Variants in CD28 observed in about 807,000 individuals in gnomAD.
CD28 encodes CD28 molecule.
In CD28, 8 loss-of-function variants were observed where a neutral mutation model predicts 21.4. The observed-to-expected ratio is 0.37, with a 90% CI of 0.22 to 0.68. The LOEUF (loss-of-function observed/expected upper bound fraction) is 0.68, where lower values mean the gene tolerates loss of function less well. Among genes scored for constraint, CD28 ranks in the 30% least tolerant of loss-of-function variants. CD28 has a pLI of 0.55. For missense variants in CD28, 239 were observed against 272.2 expected (o/e 0.88, Z 0.86); for synonymous variants, 106 against 104.0 (o/e 1.02, Z -0.12).
chr2:203,731,847 G>C (rs1693902787), intron 3 of CD28, among the ~76,000 whole-genome samples: 1 of 152,096 alleles, frequency 6.6e-6, no homozygotes, highest in East Asian at 1.9e-4. Context: ...TTGTCTTACA[G>C]ACCCCCTGTG....
intron 1 of CD28, among the ~76,000 whole-genome samples, chr2:203,709,584 T>C (rs1693258313): frequency 6.6e-6 from 1 of 152,172 alleles, no homozygotes; most frequent in African/African-American, 2.4e-5. Context: ...TTGCATGTTT[T>C]CTACTAGACT....
chr2:203,711,561 T>C (rs1053639103), intron 1 of CD28, among the ~76,000 whole-genome samples: 2 of 152,186 alleles, frequency 1.3e-5, no homozygotes, highest in Admixed American at 1.3e-4. Context: ...TCATCTTCAT[T>C]ATCTTGGGTA....
At chr2:203,714,971 A>G (rs2106111519) in intron 1 of CD28, among the ~76,000 whole-genome samples, 2 of 152,290 alleles carry the variant, frequency 1.3e-5, no homozygotes, top group South Asian at 4.1e-4. Context: ...CATGACATTT[A>G]CCTGGAGGTT....
rs45511791 is a variant in CD28, at chr2:203,729,688, T to G, written c.450T>G (p.Ser150=). 8.4e-5 allele frequency: 136 copies of G among 1,614,134 alleles called. 2 individuals are homozygous for G. In the East Asian group the frequency reaches 2.9e-3, roughly 34 times the overall value. The stretch of plus-strand genomic sequence containing the variant: ...CAAGTCCCCTATTTCCCGGACCTTC[T>G]AAGCCCTTTTGGGTGCTGGTGGTGG... The part of the protein sequence containing the change: ...LCPSPLFPGP[S]KPFWVLVVVG... Residue 150 remains serine (S), a synonymous_variant, in exon 3 of 4, where the codon TCT becomes TCG. Coordinates refer to ENST00000324106, the MANE Select transcript of CD28 (RefSeq NM_006139.4).
chr2:203,712,081 A>G (rs141245180), intron 1 of CD28, among the ~76,000 whole-genome samples: 135 of 152,244 alleles, frequency 8.9e-4, no homozygotes, highest in African/African-American at 2.7e-3. Flanking sequence ...AGTCCCAGCT[A>G]CTGGGGAGGC....
intron 3 of CD28, among the ~76,000 whole-genome samples, chr2:203,734,428 A>C (rs1316719060): frequency 6.6e-6 from 1 of 152,262 alleles, no homozygotes; most frequent in Non-Finnish European, 1.5e-5. Context: ...TAATGTAAGA[A>C]GATCACAATG....
chr2:203,721,465 C>T (rs1489871893), intron 1 of CD28, among the ~76,000 whole-genome samples: 1 of 152,110 alleles, frequency 6.6e-6, no homozygotes, highest in Non-Finnish European at 1.5e-5. Flanking sequence ...TCTTACCCTC[C>T]TCATCTCCCT....
intron 1 of CD28, among the ~76,000 whole-genome samples, chr2:203,725,875 T>G (rs1456336526): frequency 6.6e-6 from 1 of 152,200 alleles, no homozygotes; most frequent in Non-Finnish European, 1.5e-5. Flanking sequence ...TCAAAATATT[T>G]TAATTCCTTT....
At chr2:203,733,615 A>T (rs1007241944) in intron 3 of CD28, among the ~76,000 whole-genome samples, 3 of 152,160 alleles carry the variant, frequency 2.0e-5, no homozygotes, top group Non-Finnish European at 4.4e-5. Flanking sequence ...GAGAAATTCT[A>T]ACGGCTGGTT....
chr2:203,732,630 G>A (rs1693923938), intron 3 of CD28, among the ~76,000 whole-genome samples: 1 of 152,194 alleles, frequency 6.6e-6, no homozygotes, highest in African/African-American at 2.4e-5. Flanking sequence ...GAAGGGCAAA[G>A]GAGGAATGGT....
In CD28 at chr2:203,737,199, T is replaced by C. The variant is rs1261384694; in HGVS notation, c.*2287T>C. 6.6e-6 allele frequency: 1 copy of C among 152,170 alleles called. No homozygotes were observed. The highest frequency in any genetic ancestry group is 1.5e-5 in the Non-Finnish European group (1 of 68,038). 9.4% of individuals were successfully genotyped at this position (152,170 alleles called of 1,614,324 possible). ...TCTTGAGATTCCAGATCGAAAATAC[T>C]GTACTTTGGTTGATTTTTAAGTGGG... On this transcript the variant is annotated 3_prime_UTR_variant, in exon 4 of 4. Transcript: ENST00000324106.
At chr2:203,720,577 G>T (rs1010252044) in intron 1 of CD28, among the ~76,000 whole-genome samples, 2 of 152,162 alleles carry the variant, frequency 1.3e-5, no homozygotes, top group African/African-American at 4.8e-5. Flanking sequence ...TAGGACGAGG[G>T]AGCTACATAT....
intron 3 of CD28, among the ~76,000 whole-genome samples, chr2:203,733,618 G>A (rs1693953984): frequency 2.6e-5 from 4 of 152,156 alleles, no homozygotes; most frequent in Non-Finnish European, 4.4e-5. Flanking sequence ...AAATTCTAAC[G>A]GCTGGTTAGA....
At position 203,737,502 on chromosome 2, in the gene CD28, C is replaced by G. The variant is rs1379566160; in HGVS notation, c.*2590C>G. On this transcript the variant is annotated 3_prime_UTR_variant, in exon 4 of 4. Transcript: ENST00000324106. ...TTTTCTGACTGGAAAAATAGGCCTA[C>G]TAAAGATGAATCACACTTGAGATGT... 3.3e-5 allele frequency: 5 copies of G among 152,568 alleles called. No homozygotes were observed. Among genetic ancestry groups the G allele is most frequent in the Admixed American group, 2.0e-4 (3 of 15,294 alleles). 9.5% of individuals were successfully genotyped at this position (152,568 alleles called of 1,614,324 possible). A position where few individuals can be genotyped will look rare whatever the true frequency, so the allele number is the denominator to read the frequency against.
intron 1 of CD28, among the ~76,000 whole-genome samples, chr2:203,723,022 T>C (rs917163136): frequency 6.6e-6 from 1 of 152,206 alleles, no homozygotes; most frequent in Non-Finnish European, 1.5e-5. Context: ...GCCTGGGTCC[T>C]ATACCTAGAG....
At chr2:203,731,929 G>A (rs200350212) in intron 3 of CD28, among the ~76,000 whole-genome samples, 1 of 152,106 alleles carries the variant, frequency 6.6e-6, no homozygotes, top group East Asian at 1.9e-4. Flanking sequence ...CCACTTATCT[G>A]CATCTCAAAC....
chr2:203,708,551 G>T (rs1433404049), intron 1 of CD28, among the ~76,000 whole-genome samples: 1 of 152,178 alleles, frequency 6.6e-6, no homozygotes, highest in Non-Finnish European at 1.5e-5. Flanking sequence ...CTCTTTTGAA[G>T]AGTTTTTGGT....
chr2:203,729,859 T>C, intron 3 of CD28, 87 bp downstream of exon 3: 1 of 1,377,612 alleles, frequency 7.3e-7, no homozygotes, highest in Non-Finnish European at 1.0e-6. Context: ...TGTGGTTTAT[T>C]TTCTGTTTAA....
intron 1 of CD28, among the ~76,000 whole-genome samples, chr2:203,723,064 G>A (rs962956340): frequency 3.3e-5 from 5 of 152,154 alleles, no homozygotes; most frequent in Admixed American, 3.3e-4. Context: ...GAAAACCAAA[G>A]GCTTTTAGAT....
Sources: allele counts gnomAD v4.1 joint callset (sites outside exome capture counted in the v4.1 genomes callset), GRCh38; gene constraint gnomAD v4.1.1; transcripts MANE v1.5; gene names NCBI Gene and HGNC (gene_info 2026-07-23, HGNC 2026-07-21).